The following TLN1 variants were observed in gnomAD, a reference collection of about 807,000 sequenced individuals.
The protein encoded by TLN1 is talin 1.
TLN1 carries 56 observed loss-of-function variants against 292.3 expected under a neutral mutation model. The observed-to-expected ratio is 0.19, with a 90% confidence interval of 0.15 to 0.24. The LOEUF is 0.24. Ranked by LOEUF, TLN1 falls within the 10% of genes least tolerant of loss-of-function variation. The pLI, the probability that TLN1 is intolerant of heterozygous loss-of-function variation, is 1.00. For synonymous variants in TLN1, 1,119 were observed against 1,253.7 expected, an observed-to-expected ratio of 0.89 and a Z score of 2.27; for missense variants, 2,433 against 3,248.2, an observed-to-expected ratio of 0.75 and a Z score of 6.10.
chr9:35,731,813 C>G (rs1046769429), intron 1 of TLN1, among the ~76,000 whole-genome samples: 1 of 152,198 alleles, frequency 6.6e-6, no homozygotes, highest in African/African-American at 2.4e-5. Context: ...ACACCAAAGC[C>G]CGTCCCCGCC....
rs537883063 is a variant in TLN1, at chr9:35,727,256, G to C, written c.-33-1529C>G. Among the ~76,000 whole-genome samples, 18 of 152,340 alleles carry C rather than the reference G, an allele frequency of 1.2e-4. No homozygotes were observed. The South Asian group carries it at 3.7e-3, about 32-fold the overall frequency. On this transcript the variant is annotated intron_variant, in intron 1 of 56. Transcript: ENST00000314888. ...CCTCAAATGGGGAAAAGCAGGGTGA[G>C]AGGGGAAGGCTGGAAAGCAGAGATG...
chr9:35,700,621 G>C (rs1825449403), intron 48 of TLN1, among the ~76,000 whole-genome samples: 1 of 152,170 alleles, frequency 6.6e-6, no homozygotes, highest in Non-Finnish European at 1.5e-5. Flanking sequence ...GCCTTGAAGG[G>C]GTGAGAGGCA....
intron 26 of TLN1, 61 bp downstream of exon 26, chr9:35,713,135 C>T (rs1825706183): frequency 6.4e-7 from 1 of 1,573,478 alleles, no homozygotes; most frequent in South Asian, 1.1e-5. Flanking sequence ...ATCCCTCATC[C>T]AGCTCCCATT....
In TLN1 at chr9:35,711,631, G is replaced by A. The variant is rs746207333; in HGVS notation, c.3843C>T (p.Phe1281=). Residue 1281 remains phenylalanine, a synonymous_variant, in exon 29 of 57, where the codon TTC becomes TTT. Transcript: ENST00000314888. Reference sequence around the variant, plus strand: ...CTGCCATCTCCACACCAGCTTCCAGGAAGGTGCTGAAGTCCTGTCCAAATC... The same window carrying A: ...CTGCCATCTCCACACCAGCTTCCAGAAAGGTGCTGAAGTCCTGTCCAAATC... The part of the protein sequence containing the change: ...SGRFGQDFST[F]LEAGVEMAGQ... 1.2e-6 allele frequency: 2 copies of A among 1,614,060 alleles called. No homozygotes were observed. Among genetic ancestry groups the A allele is most frequent in the Non-Finnish European group, 1.7e-6 (2 of 1,180,036 alleles).
chr9:35,729,346 C>A (rs1374814876), intron 1 of TLN1, among the ~76,000 whole-genome samples: 1 of 152,154 alleles, frequency 6.6e-6, no homozygotes, highest in African/African-American at 2.4e-5. Flanking sequence ...AGCAGTAAAT[C>A]GTGGAGGAGC....
rs886924508 is a variant in TLN1, at chr9:35,698,634, G to C, written c.7171C>G (p.Gln2391Glu). The change falls in exon 54 of 57, where the codon CAG (glutamine) becomes GAG (glutamate). Residue 2391 changes from glutamine to glutamate, a missense_variant. By Grantham distance (29) the Gln-to-Glu change is conservative (BLOSUM62 2). Transcript: ENST00000314888. The surrounding 1 kb of genome is among the most constrained non-coding windows in gnomAD (Gnocchi z 5.3). ...ACACTTACAGCAGAAATGAGGCCCT[G>C]GGACCACTGCCCATCGTCCAGTGCA... ...ANALDDGQWS[Q>E]GLISAARMVA... The C allele has an allele frequency of 5.6e-6, 9 of 1,614,194 alleles. No individual in the cohort carries two copies. Among genetic ancestry groups the C allele is most frequent in the Non-Finnish European group, 6.8e-6 (8 of 1,180,040 alleles).
At chr9:35,722,270 G>C (rs753336292) in intron 8 of TLN1, 47 bp from the exon 9 acceptor site, 26 of 1,521,962 alleles carry the variant, frequency 1.7e-5, no homozygotes, top group Non-Finnish European at 2.3e-5. Context: ...TCATATCACA[G>C]CTAAGGAATT....
At position 35,713,215 on chromosome 9, in the gene TLN1, C is replaced by T. The variant is rs781381919; in HGVS notation, c.3333G>A (p.Gln1111=). 6.3e-7 allele frequency: 1 copy of T among 1,595,576 alleles called. No homozygotes were observed. The highest frequency in any genetic ancestry group is 1.7e-4 in the Middle Eastern group (1 of 6,012). Residue 1111 remains glutamine (Q), a synonymous_variant, in exon 26 of 57, where the codon CAG becomes CAA. Transcript: ENST00000314888. ...ACATACCTGCATAATTCTCATTGCC[C>T]TGGGCAACCTCTCCCAGTAGCTGGG... is the stretch of plus-strand genomic sequence containing the variant. ...AIAQLLGEVA[Q]GNENYAGIAA...
chr9:35,709,614 C>T (rs376579743), intron 33 of TLN1, among the ~76,000 whole-genome samples: 12 of 152,224 alleles, frequency 7.9e-5, no homozygotes, highest in South Asian at 4.1e-4. Flanking sequence ...ATTGGCCGGG[C>T]GCGGTGGCTC....
intron 25 of TLN1, 131 bp from the exon 26 acceptor site, chr9:35,713,429 A>C: frequency 1.5e-6 from 1 of 659,758 alleles, no homozygotes; most frequent in Non-Finnish European, 2.5e-6. Context: ...CCCACCTATA[A>C]TCCTAGCACG....
Position 35,719,469 on chromosome 9 carries a change from C to T in TLN1, c.1687+50G>A, listed in dbSNP as rs1364010645. The T allele has an allele frequency of 1.3e-6, 2 of 1,535,314 alleles. No homozygotes were observed. Among genetic ancestry groups the T allele is most frequent in the African/African-American group, 1.4e-5 (1 of 73,364 alleles). On this transcript the variant is annotated intron_variant, in intron 15 of 56. Coordinates refer to ENST00000314888, the MANE Select transcript of TLN1 (RefSeq NM_006289.4). This position sits in a 1 kb window ranked among gnomAD's most constrained non-coding sequence, Gnocchi z 4.6. ...CCAGTCACATGCATGCCTGTGCACA[C>T]TTGCACCCCCTCTCCCCATCACACA...
rs1193159321 is a variant in TLN1 at position 35,699,844 on chromosome 9, A to C, written c.6768+130T>G. 9.0e-6 allele frequency: 10 copies of C among 1,115,216 alleles called. No individual in the cohort carries two copies. Among genetic ancestry groups the C allele is most frequent in the Non-Finnish European group, 1.2e-5 (10 of 808,374 alleles). The allele number at this position is 1,115,216 out of a possible 1,614,324, so 69.1% of individuals were successfully genotyped here. A position where few individuals can be genotyped will look rare whatever the true frequency, so the allele number is the denominator to read the frequency against. Reference sequence around the variant, plus strand: ...GAAAGGGAGACTTGGAAAGGAGAACAGATTTGGGAAGTAGAGGGTGGGGTA... The same window carrying C: ...GAAAGGGAGACTTGGAAAGGAGAACCGATTTGGGAAGTAGAGGGTGGGGTA... On this transcript the variant is annotated intron_variant, in intron 50 of 56. Coordinates refer to ENST00000314888, the MANE Select transcript of TLN1 (RefSeq NM_006289.4). The surrounding 1 kb of genome is among the most constrained non-coding windows in gnomAD (Gnocchi z 4.0).
At chr9:35,716,915 G>C (rs1269278887) in intron 19 of TLN1, among the ~76,000 whole-genome samples, 1 of 152,134 alleles carries the variant, frequency 6.6e-6, no homozygotes, top group Non-Finnish European at 1.5e-5. Context: ...GCGTACTTTG[G>C]TATATTCTTT....
chr9:35,708,579 A>G, intron 33 of TLN1, 95 bp from the exon 34 acceptor site: 1 of 1,276,856 alleles, frequency 7.8e-7, no homozygotes. Flanking sequence ...AGGTAAGTTT[A>G]GAGAATAGGG....
intron 30 of TLN1, 58 bp from the exon 31 acceptor site, chr9:35,711,140 TGTAA>T: frequency 6.2e-7 from 1 of 1,610,744 alleles, no homozygotes; most frequent in Non-Finnish European, 8.5e-7. Flanking sequence ...CTGGGTCCTA[TGTAA>T]GTATTTATCT....
chr9:35,714,630 G>A lies in TLN1; in HGVS notation c.2929C>T (p.Pro977Ser). The stretch of plus-strand genomic sequence containing the variant: ...GCAAGCTGAGCGCTGGGGCTGTCAG[G>A]CTGGGCTTGGCTTCCTCGGACGCCC... Reference protein sequence around the residue: ...VQGVRGSQAQPDSPSAQLALI... With the variant: ...VQGVRGSQAQSDSPSAQLALI... The change falls in exon 23 of 57, where the codon CCT becomes TCT. Residue 977 changes from proline to serine, a missense_variant. By Grantham distance (74) the Pro-to-Ser change is moderately conservative. This residue lies in a region of TLN1 where 617 missense variants were observed against 770.6 expected (regional missense o/e 0.80). Coordinates refer to ENST00000314888, the MANE Select transcript of TLN1 (RefSeq NM_006289.4). The surrounding 1 kb of genome is among the most constrained non-coding windows in gnomAD (Gnocchi z 4.6). The A allele has an allele frequency of 6.2e-7, 1 of 1,613,554 alleles. No individual in the cohort carries two copies. The highest frequency in any genetic ancestry group is 8.5e-7 in the Non-Finnish European group (1 of 1,180,028).
chr9:35,727,291 G>A (rs901565486), intron 1 of TLN1, among the ~76,000 whole-genome samples: 3 of 152,192 alleles, frequency 2.0e-5, no homozygotes, highest in Admixed American at 2.0e-4. Context: ...GGGGGTGTTA[G>A]GATACAGAAG....
Position 35,698,535 on chromosome 9 carries a change from T to C in TLN1, c.7189-30A>G, listed in dbSNP as rs192673658. 7.8e-5 allele frequency: 126 copies of C among 1,613,438 alleles called. No homozygotes were observed. The East Asian group carries it at 2.6e-3, about 33-fold the overall frequency. On this transcript the variant is annotated intron_variant, in intron 54 of 56. Transcript: ENST00000314888. The surrounding 1 kb of genome is among the most constrained non-coding windows in gnomAD (Gnocchi z 5.3). ...AGCAGGGAGAGTTTGCTTAAAAATA[T>C]GCCCCTTGCCCTGGTCCATCCCCAC...
chr9:35,723,184 C>A (rs1825907472), intron 7 of TLN1: 3 of 304,660 alleles, frequency 9.8e-6, no homozygotes, highest in Non-Finnish European at 1.9e-5. Context: ...TCACCAAAAC[C>A]TCCACCTCCC....
Sources: gnomAD v4.1 joint callset for allele counts (sites outside exome capture counted in the v4.1 genomes callset) on GRCh38, gnomAD v4.1.1 for gene constraint, gnomAD v4.1.1 regional missense constraint, Gnocchi (gnomAD v3.1) non-coding constraint, MANE v1.5 for transcripts, NCBI Gene and HGNC (gene_info 2026-07-23, HGNC 2026-07-21) for gene names.